PDE1A: variants seen among roughly 807,000 people sequenced by gnomAD.
The protein encoded by PDE1A is dual specificity calcium/calmodulin-dependent 3',5'-cyclic nucleotide phosphodiesterase 1A.
A neutral mutation model predicts 61.7 loss-of-function variants in PDE1A; 35 were observed. That is an observed-to-expected ratio of 0.57 (90% confidence interval 0.43 to 0.75). The LOEUF (loss-of-function observed/expected upper bound fraction) is 0.75. Ranked by LOEUF, PDE1A falls within the 30% of genes least tolerant of loss-of-function variation. PDE1A has a pLI of 0.00. For synonymous variants in PDE1A, 232 were observed against 213.2 expected, an observed-to-expected ratio of 1.09 and a Z score of -0.77; for missense variants, 597 against 630.6, an observed-to-expected ratio of 0.95 and a Z score of 0.57.
intron 1 of PDE1A, among the ~76,000 whole-genome samples, chr2:182,355,537 G>A (rs1336077901): frequency 6.6e-6 from 1 of 151,734 alleles, no homozygotes; most frequent in African/African-American, 2.4e-5. Context: ...ATAAATAACT[G>A]GATTTTATCT....
chr2:182,204,304 G>T (rs1475251828), intron 8 of PDE1A, among the ~76,000 whole-genome samples: 1 of 152,164 alleles, frequency 6.6e-6, no homozygotes, highest in African/African-American at 2.4e-5. Flanking sequence ...CCCAACAGTG[G>T]TCTCTTTAAA....
intron 1 of PDE1A, among the ~76,000 whole-genome samples, chr2:182,298,199 T>C (rs1161459311): frequency 1.3e-5 from 2 of 152,156 alleles, no homozygotes; most frequent in Non-Finnish European, 2.9e-5. Flanking sequence ...ACATAGCATC[T>C]GAGAGCTGTA....
intron 1 of PDE1A, among the ~76,000 whole-genome samples, chr2:182,387,631 C>T (rs1052993642): frequency 6.6e-6 from 1 of 151,994 alleles, no homozygotes; most frequent in African/African-American, 2.4e-5. Flanking sequence ...GTGGCGCAAG[C>T]CTGTAATCCC....
the PDE1A span, among the ~76,000 whole-genome samples, chr2:182,584,180 C>T: frequency 6.8e-6 from 1 of 148,044 alleles, no homozygotes; most frequent in Non-Finnish European, 1.5e-5. Context: ...CTACTGCTGA[C>T]TATCTCTGTT....
chr2:182,311,445 T>C (rs1695965746), intron 1 of PDE1A, among the ~76,000 whole-genome samples: 1 of 152,228 alleles, frequency 6.6e-6, no homozygotes, highest in Non-Finnish European at 1.5e-5. Flanking sequence ...TTACCATCAC[T>C]ACACTGAAGA....
the PDE1A span, among the ~76,000 whole-genome samples, chr2:182,683,841 T>C: frequency 4.6e-5 from 7 of 151,928 alleles, no homozygotes; most frequent in Non-Finnish European, 1.0e-4. Context: ...AAAATGGGGC[T>C]GGGAGCGGGG....
At chr2:182,153,121 A>G (rs1310595900) in intron 13 of PDE1A, among the ~76,000 whole-genome samples, 2 of 152,230 alleles carry the variant, frequency 1.3e-5, no homozygotes, top group Non-Finnish European at 1.5e-5. Context: ...TGAAAAATTT[A>G]TATGTATATT....
chr2:182,684,251 A>G, the PDE1A span, among the ~76,000 whole-genome samples: 20 of 152,146 alleles, frequency 1.3e-4, no homozygotes, highest in Admixed American at 1.2e-3. Context: ...TAAACTGCCA[A>G]AAATACTAAG....
At chr2:182,140,801 C>T (rs1690194490) in exon 15 of PDE1A, 1 of 151,786 alleles carries the variant, frequency 6.6e-6, no homozygotes, top group Non-Finnish European at 1.5e-5. Context: ...TCAGTAGTAG[C>T]TGTCTTACAG....
intron 2 of PDE1A, among the ~76,000 whole-genome samples, chr2:182,511,132 A>G (rs577040599): frequency 1.3e-5 from 2 of 152,192 alleles, no homozygotes; most frequent in South Asian, 4.1e-4. Context: ...ATACGTGATG[A>G]TATTATTTCC....
intron 11 of PDE1A, among the ~76,000 whole-genome samples, chr2:182,187,023 A>C (rs763752414): frequency 1.1e-4 from 16 of 152,240 alleles, no homozygotes; most frequent in Non-Finnish European, 2.2e-4. Context: ...CTCCAAAGAA[A>C]TTAAATAATT....
At chr2:182,436,533 C>G (rs961856609) in intron 2 of PDE1A, among the ~76,000 whole-genome samples, 7 of 151,902 alleles carry the variant, frequency 4.6e-5, no homozygotes, top group African/African-American at 9.7e-5. Flanking sequence ...AATGCTGCAT[C>G]TTTTTCAACA....
At chr2:182,226,414 A>G (rs928154776) in intron 6 of PDE1A, among the ~76,000 whole-genome samples, 1 of 149,846 alleles carries the variant, frequency 6.7e-6, no homozygotes, top group Non-Finnish European at 1.5e-5. Flanking sequence ...ACTATGGACT[A>G]TATCATTAAG....
At chr2:182,347,942 C>A (rs1052632277) in intron 1 of PDE1A, among the ~76,000 whole-genome samples, 3 of 152,104 alleles carry the variant, frequency 2.0e-5, no homozygotes, top group African/African-American at 7.2e-5. Context: ...ACAGCGTTTT[C>A]TTTGAAAGAA....
rs1292780756 is a variant in PDE1A, at chr2:182,480,701, T to TTA, written c.101+41574_101+41575insTA. On this transcript the variant is annotated intron_variant, in intron 2 of 14. Coordinates refer to the PDE1A transcript ENST00000410103. The stretch of plus-strand genomic sequence containing the variant: ...TATGCAAATACTATGACACTTTATA[T>TTA]AACGGACTTGAGCATCTTCTGAGGT... 2.0e-5 allele frequency among the ~76,000 whole-genome samples: 3 copies of TTA among 152,060 alleles called. No homozygotes were observed. The East Asian group carries it at 5.8e-4, about 30-fold the overall frequency.
At chr2:182,452,865 T>G (rs536217029) in intron 2 of PDE1A, among the ~76,000 whole-genome samples, 10 of 152,176 alleles carry the variant, frequency 6.6e-5, no homozygotes, top group African/African-American at 2.4e-4. Context: ...TGCCCTTACC[T>G]TTTTCTTCCC....
rs771164537 is a variant in PDE1A, at chr2:182,231,137, G to GA, written c.418-7dup. 10 of 1,436,162 alleles carry GA rather than the reference G, an allele frequency of 7.0e-6. No individual in the cohort carries two copies. The highest frequency in any genetic ancestry group is 4.7e-5 in the South Asian group (4 of 85,090). 89.0% of individuals were successfully genotyped at this position (1,436,162 alleles called of 1,614,324 possible). On this transcript the variant is annotated splice_region_variant and splice_polypyrimidine_tract_variant and intron_variant, in intron 4 of 13. Transcript: ENST00000351439. ...AAAGACCATTTATCAACATCCTGTA[G>GA]AAAAAAGAATAAATACTTTAGGTGC...
chr2:182,711,175 G>C, the PDE1A span, among the ~76,000 whole-genome samples: 40 of 152,122 alleles, frequency 2.6e-4, no homozygotes, highest in African/African-American at 8.7e-4. Context: ...GAACAGCCTG[G>C]AATAGGTTGG....
chr2:182,174,365 C>T (rs200613554), intron 13 of PDE1A, among the ~76,000 whole-genome samples: 10 of 149,820 alleles, frequency 6.7e-5, no homozygotes, highest in African/African-American at 2.5e-4. Context: ...AAAGGTGGTA[C>T]TCAGATAGAT....
Sources: allele counts gnomAD v4.1 joint callset (sites outside exome capture counted in the v4.1 genomes callset), GRCh38; gene constraint gnomAD v4.1.1; transcripts MANE v1.5; gene names NCBI Gene and HGNC (gene_info 2026-07-23, HGNC 2026-07-21).